The following CCDC179 variants were observed in gnomAD, a reference collection of about 807,000 sequenced individuals.
CCDC179 encodes the protein coiled-coil domain containing 179, also known as coiled-coil domain-containing protein 179.
Under a neutral mutation model 12.0 loss-of-function variants are expected in CCDC179, and 17 were observed. That is an observed-to-expected ratio of 1.42 (90% CI 0.97 to 2.13). The LOEUF is 2.13. Ranked by LOEUF, CCDC179 falls within the 30% of genes most tolerant of loss-of-function variation. The pLI is 0.00. For synonymous variants in CCDC179, 27 were observed against 26.4 expected, an observed-to-expected ratio of 1.02 and a Z score of -0.07; for missense variants, 83 against 78.6, an observed-to-expected ratio of 1.06 and a Z score of -0.21.
At chr11:22,848,896 T>C (rs1402490617) in intron 3 of CCDC179, among the ~76,000 whole-genome samples, 2 of 152,206 alleles carry the variant, frequency 1.3e-5, no homozygotes, top group African/African-American at 4.8e-5. Context: ...AGTTTGATAC[T>C]GTGATGACAT....
chr11:22,859,281 C>T (rs1402318336), intron 2 of CCDC179, among the ~76,000 whole-genome samples, 171 bp downstream of exon 2: 2 of 152,050 alleles, frequency 1.3e-5, no homozygotes, highest in African/African-American at 4.8e-5. Context: ...ATTTAGTTTA[C>T]CCTAGTTAAG....
chr11:22,856,429 A>C (rs116302559), intron 3 of CCDC179, among the ~76,000 whole-genome samples: 37 of 151,592 alleles, frequency 2.4e-4, no homozygotes, highest in African/African-American at 8.9e-4. Context: ...TCATATCAAC[A>C]ATGTATAATA....
Position 22,850,332 on chromosome 11 carries a change from A to G in CCDC179, c.196-2811T>C, listed in dbSNP as rs552096727. Among the ~76,000 whole-genome samples the G allele has an allele frequency of 2.0e-5, 3 of 152,366 alleles. No homozygotes were observed. In the South Asian group the frequency reaches 6.2e-4, roughly 32 times the overall value. On this transcript the variant is annotated intron_variant, in intron 3 of 3. Transcript: ENST00000532798. ...TAAGTAATTTCTTCTTAACTCCTGTATCAAGAACACATGATATTTTATTTT... is the reference window on the plus strand; with the variant it reads ...TAAGTAATTTCTTCTTAACTCCTGTGTCAAGAACACATGATATTTTATTTT...
chr11:22,856,281 G>A (rs971434052), intron 3 of CCDC179, among the ~76,000 whole-genome samples: 1 of 151,372 alleles, frequency 6.6e-6, no homozygotes, highest in Non-Finnish European at 1.5e-5. Flanking sequence ...CAAAATATTA[G>A]CAAATTGATC....
intron 3 of CCDC179, among the ~76,000 whole-genome samples, chr11:22,850,953 TATATATATATATATATATATATA>T (rs1858366392): frequency 2.4e-4 from 2 of 8,298 alleles, no homozygotes; most frequent in Non-Finnish European, 5.3e-4. Context: ...TATATATATA[TATATATATATATATATATATATA>T]TTTTTTTTTT....
chr11:22,849,086 C>T (rs1037201744), intron 3 of CCDC179, among the ~76,000 whole-genome samples: 54 of 152,164 alleles, frequency 3.5e-4, no homozygotes, highest in African/African-American at 1.1e-3. Context: ...AACTAGAATA[C>T]GGTTGTCACA....
At position 22,857,747 on chromosome 11, in the gene CCDC179, G is replaced by C. The variant is rs1590194279; in HGVS notation, c.195+175C>G. 2.0e-5 allele frequency among the ~76,000 whole-genome samples: 3 copies of C among 151,850 alleles called. No homozygotes were observed. The South Asian group carries it at 6.2e-4, about 31-fold the overall frequency. On this transcript the variant is annotated intron_variant, in intron 3 of 3. Coordinates refer to ENST00000532798, the MANE Select transcript of CCDC179 (RefSeq NM_001195637.2). ...TCATTAAACCATATCACCTCCAGGAGATGACAGCAGAGGATATTTAAATAA... is the reference window on the plus strand; with the variant it reads ...TCATTAAACCATATCACCTCCAGGACATGACAGCAGAGGATATTTAAATAA...
In CCDC179 at chr11:22,859,487, T is replaced by C. The variant is rs1410454905; in HGVS notation, c.55A>G (p.Arg19Gly). The change falls in exon 2 of 4, where the codon AGA becomes GGA. Residue 19 changes from arginine (R) to glycine (G), a missense_variant. Arg to Gly is a moderately radical substitution (Grantham distance 125). Coordinates refer to ENST00000532798, the MANE Select transcript of CCDC179 (RefSeq NM_001195637.2). ...GTGACCTCTGAAGGATGATGTTGTC[T>C]TGGTCCTTCCTATATAATAAACAAA... ...EPSQVNPEGP[R>G]QHHPSEVTER... 2.1e-5 allele frequency: 31 copies of C among 1,498,024 alleles called. No homozygotes were observed. In the Admixed American group the frequency reaches 6.1e-4, roughly 29 times the overall value. The allele number at this position is 1,498,024 out of a possible 1,614,324, so 92.8% of individuals were successfully genotyped here. A position where few individuals can be genotyped will look rare whatever the true frequency, so the allele number is the denominator to read the frequency against.
At chr11:22,850,956 A>T (rs1858366743) in intron 3 of CCDC179, among the ~76,000 whole-genome samples, 1 of 6,284 alleles carries the variant, frequency 1.6e-4, no homozygotes, top group Non-Finnish European at 6.9e-4. Flanking sequence ...ATATATATAT[A>T]TATATATATA....
Position 22,860,361 on chromosome 11 carries a change from G to T in CCDC179, c.45+16C>A. Reference sequence around the variant, plus strand: ...CAGAGTGGCAGAGTTGAGGTTGTAGGCCCCAGCAGACTCACAGGGTTGACT... The same window carrying T: ...CAGAGTGGCAGAGTTGAGGTTGTAGTCCCCAGCAGACTCACAGGGTTGACT... On this transcript the variant is annotated intron_variant, in intron 1 of 3. Transcript: ENST00000532798. 6.5e-7 allele frequency: 1 copy of T among 1,535,264 alleles called. No individual in the cohort carries two copies. Among genetic ancestry groups the T allele is most frequent in the Non-Finnish European group, 8.7e-7 (1 of 1,146,466 alleles).
At chr11:22,859,115 C>A (rs533045289) in intron 2 of CCDC179, among the ~76,000 whole-genome samples, 1 of 152,080 alleles carries the variant, frequency 6.6e-6, no homozygotes, top group South Asian at 2.1e-4. Flanking sequence ...TGGGAGAGAC[C>A]TTAGGAGGTA....
At chr11:22,859,631 G>T (rs1207273594) in intron 1 of CCDC179, 135 bp from the exon 2 acceptor site, 1 of 458,248 alleles carries the variant, frequency 2.2e-6, no homozygotes, top group Admixed American at 4.3e-5. Flanking sequence ...TAAGAAGCAG[G>T]TTAAAAAAAC....
At position 22,847,451 on chromosome 11, in the gene CCDC179, T is replaced by A. The variant is rs1167029539; in HGVS notation, c.*59A>T. On this transcript the variant is annotated 3_prime_UTR_variant, in exon 4 of 4. Transcript: ENST00000532798. ...TCAATTCATGATATGTCACTTGATG[T>A]TCACAATCCACATATTTCTGTCTGG... 1 of 1,153,170 alleles carries A rather than the reference T, an allele frequency of 8.7e-7. No homozygotes were observed. Among genetic ancestry groups the A allele is most frequent in the South Asian group, 1.8e-5 (1 of 56,406 alleles). The allele number at this position is 1,153,170 out of a possible 1,614,324, so 71.4% of individuals were successfully genotyped here. A position where few individuals can be genotyped will look rare whatever the true frequency, so the allele number is the denominator to read the frequency against.
intron 3 of CCDC179, among the ~76,000 whole-genome samples, chr11:22,856,170 A>G (rs147158436): frequency 6.6e-6 from 1 of 151,622 alleles, no homozygotes; most frequent in African/African-American, 2.4e-5. Flanking sequence ...CTCATTCTGT[A>G]AGGTGAGCAT....
chr11:22,860,148 C>T (rs975314462), intron 1 of CCDC179, among the ~76,000 whole-genome samples: 1 of 152,228 alleles, frequency 6.6e-6, no homozygotes, highest in Non-Finnish European at 1.5e-5. Flanking sequence ...AGTCAACATA[C>T]AGGTGATGTA....
intron 3 of CCDC179, among the ~76,000 whole-genome samples, chr11:22,855,248 C>G (rs1377087011): frequency 6.6e-6 from 1 of 151,584 alleles, no homozygotes; most frequent in Non-Finnish European, 1.5e-5. Context: ...CAGCAGAATA[C>G]AGTTTTCTCA....
At chr11:22,850,731 T>C (rs1019810252) in intron 3 of CCDC179, among the ~76,000 whole-genome samples, 1 of 151,682 alleles carries the variant, frequency 6.6e-6, no homozygotes, top group Non-Finnish European at 1.5e-5. Flanking sequence ...TTGATGGTAC[T>C]AGATATTGAA....
chr11:22,855,124 C>G (rs1431829861), intron 3 of CCDC179, among the ~76,000 whole-genome samples: 1 of 151,634 alleles, frequency 6.6e-6, no homozygotes, highest in Non-Finnish European at 1.5e-5. Context: ...AATGTCAATT[C>G]TTTCTAACAG....
intron 3 of CCDC179, among the ~76,000 whole-genome samples, chr11:22,853,276 A>G (rs1408792459): frequency 6.6e-6 from 1 of 152,186 alleles, no homozygotes; most frequent in Non-Finnish European, 1.5e-5. Flanking sequence ...GTAAGCACCA[A>G]TCAGATCCAG....
Sources: allele counts gnomAD v4.1 joint callset (sites outside exome capture counted in the v4.1 genomes callset), GRCh38; gene constraint gnomAD v4.1.1; transcripts MANE v1.5; gene names NCBI Gene and HGNC (gene_info 2026-07-23, HGNC 2026-07-21).